Variants in GIPC2 observed in about 807,000 individuals in gnomAD.
GIPC2 encodes GIPC PDZ domain containing family member 2, also known as PDZ domain-containing protein GIPC2.
A neutral mutation model predicts 30.6 loss-of-function variants in GIPC2; 30 were observed. The observed-to-expected ratio is 0.98, with a 90% CI of 0.73 to 1.33. GIPC2 has a LOEUF of 1.33. Ranked by LOEUF, GIPC2 falls within the 40% of genes most tolerant of loss-of-function variation. GIPC2 has a pLI of 0.00. For missense variants in GIPC2, 414 were observed against 390.3 expected (o/e 1.06, Z -0.51); for synonymous variants, 167 against 150.0 (o/e 1.11, Z -0.83).
At chr1:78,130,444 A>G (rs1662873301) in intron 5 of GIPC2, among the ~76,000 whole-genome samples, 1 of 152,208 alleles carries the variant, frequency 6.6e-6, no homozygotes, top group Non-Finnish European at 1.5e-5. Context: ...AATGAACACT[A>G]TAGAAAGTCA....
intron 3 of GIPC2, among the ~76,000 whole-genome samples, chr1:78,097,795 G>T (rs1386504058): frequency 6.6e-6 from 1 of 152,118 alleles, no homozygotes; most frequent in African/African-American, 2.4e-5. Context: ...CTGTTTCAGG[G>T]GTGTGTGTAC....
Position 78,118,979 on chromosome 1 carries a change from A to T in GIPC2, c.608-414A>T, listed in dbSNP as rs528967084. 3.3e-5 allele frequency among the ~76,000 whole-genome samples: 5 copies of T among 149,786 alleles called. No homozygotes were observed. The South Asian group carries it at 8.5e-4, about 26-fold the overall frequency. On this transcript the variant is annotated intron_variant, in intron 3 of 5. Transcript: ENST00000370759. ...CTCTTCTCTCTTTTTTTTCCTTTAAATTTTTTTTTTGTTTCTTCTTTTTCT... is the reference window on the plus strand; with the variant it reads ...CTCTTCTCTCTTTTTTTTCCTTTAATTTTTTTTTTTGTTTCTTCTTTTTCT...
intron 1 of GIPC2, among the ~76,000 whole-genome samples, chr1:78,064,173 A>G (rs1257760881): frequency 6.6e-6 from 1 of 152,260 alleles, no homozygotes; most frequent in Non-Finnish European, 1.5e-5. Context: ...TTTACATGGT[A>G]ATTGCAGCCC....
chr1:78,062,219 T>C (rs1661407125), intron 1 of GIPC2, among the ~76,000 whole-genome samples: 1 of 152,204 alleles, frequency 6.6e-6, no homozygotes, highest in Admixed American at 6.5e-5. Flanking sequence ...TTCATTAATG[T>C]AGTAGTGGTT....
At chr1:78,048,215 C>A (rs79673339) in intron 1 of GIPC2, among the ~76,000 whole-genome samples, 1,866 of 152,160 alleles carry the variant, frequency 0.012, 36 homozygotes, top group African/African-American at 0.043. Flanking sequence ...ATTAACACTT[C>A]TCATCATTAT....
chr1:78,049,919 T>C, intron 1 of GIPC2, among the ~76,000 whole-genome samples: 1 of 119,622 alleles, frequency 8.4e-6, no homozygotes, highest in Non-Finnish European at 1.7e-5. Flanking sequence ...TTTTTTGAGA[T>C]GGAGTCTAGC....
intron 1 of GIPC2, among the ~76,000 whole-genome samples, chr1:78,048,635 C>T (rs1237156933): frequency 3.3e-5 from 5 of 151,974 alleles, no homozygotes; most frequent in African/African-American, 1.2e-4. Context: ...TTCTGTGTTG[C>T]TCAGTGTGGT....
intron 3 of GIPC2, among the ~76,000 whole-genome samples, chr1:78,116,983 G>C (rs976155978): frequency 6.6e-6 from 1 of 150,860 alleles, no homozygotes; most frequent in Non-Finnish European, 1.5e-5. Flanking sequence ...CAGTGTAAAA[G>C]TGTTCCTATT....
intron 3 of GIPC2, among the ~76,000 whole-genome samples, chr1:78,107,498 A>G (rs1662377093): frequency 6.6e-6 from 1 of 152,088 alleles, no homozygotes; most frequent in Non-Finnish European, 1.5e-5. Flanking sequence ...AAACAAACAC[A>G]TTAACTTTCA....
intron 3 of GIPC2, among the ~76,000 whole-genome samples, chr1:78,096,251 A>G (rs957091041): frequency 2.0e-5 from 3 of 152,188 alleles, no homozygotes; most frequent in African/African-American, 7.2e-5. Flanking sequence ...TCACAGAGGA[A>G]GGAAAGCAGC....
intron 3 of GIPC2, among the ~76,000 whole-genome samples, chr1:78,109,545 T>C (rs1662422955): frequency 6.6e-6 from 1 of 152,228 alleles, no homozygotes; most frequent in Admixed American, 6.5e-5. Flanking sequence ...CTTGGTTTCC[T>C]GAATCATGAA....
intron 1 of GIPC2, among the ~76,000 whole-genome samples, chr1:78,063,899 CAAAAAAAAA>C (rs763084989): frequency 2.9e-4 from 18 of 63,114 alleles, no homozygotes; most frequent in African/African-American, 8.5e-4. Flanking sequence ...CTCAAAAAGA[CAAAAAAAAA>C]AAAAAAAAAA....
intron 1 of GIPC2, among the ~76,000 whole-genome samples, chr1:78,076,633 A>G (rs1173401432): frequency 6.6e-6 from 1 of 151,976 alleles, no homozygotes; most frequent in Non-Finnish European, 1.5e-5. Flanking sequence ...CCTGCCTGCT[A>G]CTCACCTCCT....
At chr1:78,051,598 C>T (rs569022869) in intron 1 of GIPC2, among the ~76,000 whole-genome samples, 1 of 152,198 alleles carries the variant, frequency 6.6e-6, no homozygotes, top group South Asian at 2.1e-4. Context: ...CTCCCGGGTT[C>T]AAGTGATTCT....
At chr1:78,112,991 G>C (rs1261393030) in intron 3 of GIPC2, among the ~76,000 whole-genome samples, 4 of 152,120 alleles carry the variant, frequency 2.6e-5, no homozygotes, top group South Asian at 4.1e-4. Context: ...TAAGAAACCG[G>C]CACTCGTACT....
intron 1 of GIPC2, chr1:78,069,179 G>C (rs1323764891): frequency 4.4e-6 from 3 of 675,196 alleles, no homozygotes; most frequent in African/African-American, 2.0e-5. Context: ...ACAGAATTCT[G>C]TTCTTGGCTG....
At chr1:78,054,868 C>T (rs79601866) in intron 1 of GIPC2, among the ~76,000 whole-genome samples, 2 of 152,270 alleles carry the variant, frequency 1.3e-5, no homozygotes, top group African/African-American at 2.4e-5. Context: ...AGTTTACACC[C>T]TTGGGCAGGG....
Position 78,108,851 on chromosome 1 carries a change from A to G in GIPC2, c.608-10542A>G, listed in dbSNP as rs1662408886. Among the ~76,000 whole-genome samples, 4 of 152,108 alleles carry G rather than the reference A, an allele frequency of 2.6e-5. No homozygotes were observed. In the South Asian group the frequency reaches 8.3e-4, roughly 32 times the overall value. ...TCAGATGGGTTGCCTCATTACTTGG[A>G]CAGAATTCTTTATCTGTGAGGTTTC... On this transcript the variant is annotated intron_variant, in intron 3 of 5. Transcript: ENST00000370759.
At position 78,138,341 on chromosome 1, in the gene GIPC2, T is replaced by C. The variant is rs890811308; in HGVS notation, c.*2598T>C. The C allele has an allele frequency of 6.6e-6, 1 of 152,366 alleles. No homozygotes were observed. The highest frequency in any genetic ancestry group is 2.4e-5 in the African/African-American group (1 of 41,578). 9.4% of individuals were successfully genotyped at this position (152,366 alleles called of 1,614,324 possible). On this transcript the variant is annotated 3_prime_UTR_variant, in exon 6 of 6. Transcript: ENST00000370759. ...CTCTATTTGGAGCTGCTACATCCAA[T>C]ATTGTGACTGAAAATTAACTAAAGA...
Sources: allele counts gnomAD v4.1 joint callset (sites outside exome capture counted in the v4.1 genomes callset), GRCh38; gene constraint gnomAD v4.1.1; transcripts MANE v1.5; gene names NCBI Gene and HGNC (gene_info 2026-07-23, HGNC 2026-07-21).